Variants in GALK2 observed in about 807,000 individuals in gnomAD.
GALK2 encodes the protein N-acetylgalactosamine kinase.
A neutral mutation model predicts 52.4 loss-of-function variants in GALK2; 36 were observed. That is an observed-to-expected ratio of 0.69 (90% CI 0.53 to 0.91). GALK2 has a LOEUF of 0.91. Among genes scored for constraint, GALK2 ranks in the 40% least tolerant of loss-of-function variants. The pLI, the probability that GALK2 is intolerant of heterozygous loss-of-function variation, is 0.00. For synonymous variants in GALK2, 176 were observed against 199.1 expected, an observed-to-expected ratio of 0.88 and a Z score of 0.98; for missense variants, 579 against 559.1, an observed-to-expected ratio of 1.04 and a Z score of -0.36.
chr15:49,215,103 G>A (rs188937657), intron 2 of GALK2, among the ~76,000 whole-genome samples: 2 of 152,238 alleles, frequency 1.3e-5, no homozygotes, highest in East Asian at 3.9e-4. Context: ...ACATATTGGA[G>A]CCCCTTTATA....
intron 6 of GALK2, 29 bp from the exon 7 acceptor site, chr15:49,283,537 T>A: frequency 1.3e-6 from 2 of 1,569,044 alleles, no homozygotes; most frequent in African/African-American, 2.7e-5. Context: ...TAATAAATTA[T>A]ATTTCTCCTT....
At chr15:49,348,850 T>C (rs1190021901) in intron 3 of GALK2, among the ~76,000 whole-genome samples, 1 of 152,210 alleles carries the variant, frequency 6.6e-6, no homozygotes, top group East Asian at 1.9e-4. Flanking sequence ...TATTTGAAAA[T>C]GAAGTTTTCT....
chr15:49,274,612 A>C (rs977967233), intron 5 of GALK2, among the ~76,000 whole-genome samples: 1 of 152,186 alleles, frequency 6.6e-6, no homozygotes, highest in Non-Finnish European at 1.5e-5. Flanking sequence ...AGCTTGCTGT[A>C]ACTTTCTTAC....
chr15:49,162,594 C>A (rs182869904), intron 1 of GALK2, among the ~76,000 whole-genome samples: 1 of 152,204 alleles, frequency 6.6e-6, no homozygotes, highest in East Asian at 1.9e-4. Context: ...TTGCTTCTAA[C>A]TAAAATACAG....
At chr15:49,365,432 A>G in intron 3 of GALK2, 1 of 945,704 alleles carries the variant, frequency 1.1e-6, no homozygotes, top group Non-Finnish European at 1.7e-6. Context: ...CGCAAGCAAC[A>G]GGCCTGTACA....
At chr15:49,191,541 A>T (rs1054033591) in intron 1 of GALK2, among the ~76,000 whole-genome samples, 1 of 152,106 alleles carries the variant, frequency 6.6e-6, no homozygotes, top group African/African-American at 2.4e-5. Flanking sequence ...TCATGGTTAG[A>T]TTCAGCTTAT....
intron 3 of GALK2, among the ~76,000 whole-genome samples, chr15:49,231,480 G>A (rs1255181237): frequency 6.6e-6 from 1 of 152,080 alleles, no homozygotes; most frequent in African/African-American, 2.4e-5. Context: ...CAAGTCTCAG[G>A]TACTCACATT....
At chr15:49,362,277 C>T (rs1273673604) in intron 3 of GALK2, among the ~76,000 whole-genome samples, 5 of 152,056 alleles carry the variant, frequency 3.3e-5, no homozygotes, top group Non-Finnish European at 4.4e-5. Flanking sequence ...TCATGAGATA[C>T]GCTGGCTTAA....
intron 8 of GALK2, chr15:49,318,078 T>C (rs1198406608): frequency 6.6e-6 from 1 of 152,082 alleles, no homozygotes; most frequent in Non-Finnish European, 1.5e-5. Context: ...AATTATAGAC[T>C]TTTTGATTTT....
At position 49,259,487 on chromosome 15, in the gene GALK2, A is replaced by G. The variant is rs548424659; in HGVS notation, c.504+20120A>G. On this transcript the variant is annotated intron_variant, in intron 5 of 9. Coordinates refer to ENST00000560031, the MANE Select transcript of GALK2 (RefSeq NM_002044.4). ...AGTTTACTGAGAATGATGATTTCCAATTTCATCCAGGTCCCTACAAAGGAC... is the reference window on the plus strand; with the variant it reads ...AGTTTACTGAGAATGATGATTTCCAGTTTCATCCAGGTCCCTACAAAGGAC... Among the ~76,000 whole-genome samples the G allele has an allele frequency of 1.9e-3, 284 of 150,108 alleles. 2 individuals are homozygous for G. The highest frequency in any genetic ancestry group is 6.4e-3 in the African/African-American group (262 of 40,820).
chr15:49,276,980 T>TTC (rs1567010723), intron 5 of GALK2, among the ~76,000 whole-genome samples: 1 of 142,968 alleles, frequency 7.0e-6, no homozygotes, highest in African/African-American at 2.6e-5. Context: ...CTTTTTTTTT[T>TTC]TTTTTTTGAG....
At chr15:49,290,557 C>T (rs1248109602) in intron 7 of GALK2, among the ~76,000 whole-genome samples, 1 of 152,162 alleles carries the variant, frequency 6.6e-6, no homozygotes, top group East Asian at 1.9e-4. Flanking sequence ...ATCACTGGCC[C>T]AGTTTTCTTG....
At chr15:49,366,600 T>A in intron 3 of GALK2, 1 of 1,600,538 alleles carries the variant, frequency 6.2e-7, no homozygotes, top group Non-Finnish European at 8.6e-7. Flanking sequence ...GCATGCAAGA[T>A]TGCTTCCTGA....
At chr15:49,299,748 T>TTTCTTTCTTTCTTTCTTTCTTTCC in intron 8 of GALK2, among the ~76,000 whole-genome samples, 1 of 117,800 alleles carries the variant, frequency 8.5e-6, no homozygotes, top group African/African-American at 3.1e-5. Flanking sequence ...TCTTTCTTTC[T>TTTCTTTCTTTCTTTCTTTCTTTCC]TTCTTTCTTT....
At chr15:49,293,724 G>T (rs1274507141) in intron 8 of GALK2, among the ~76,000 whole-genome samples, 1 of 152,142 alleles carries the variant, frequency 6.6e-6, no homozygotes, top group Non-Finnish European at 1.5e-5. Context: ...AATAATGCTT[G>T]GTAGCAGAGG....
intron 8 of GALK2, among the ~76,000 whole-genome samples, chr15:49,311,912 G>A (rs2036021192): frequency 6.6e-6 from 1 of 152,212 alleles, no homozygotes; most frequent in African/African-American, 2.4e-5. Flanking sequence ...TGGGCCAATG[G>A]TAGGCACATT....
At chr15:49,173,726 G>T (rs915533497) in intron 1 of GALK2, among the ~76,000 whole-genome samples, 1 of 151,842 alleles carries the variant, frequency 6.6e-6, no homozygotes, top group Non-Finnish European at 1.5e-5. Flanking sequence ...AGTTCATACA[G>T]ATATATTTCA....
chr15:49,186,434 G>A (rs1388882714), intron 1 of GALK2, among the ~76,000 whole-genome samples: 1 of 150,924 alleles, frequency 6.6e-6, no homozygotes, highest in African/African-American at 2.4e-5. Flanking sequence ...TCAATTGAGT[G>A]TTTCACTCTA....
chr15:49,284,519 A>G (rs1446876029), intron 7 of GALK2, among the ~76,000 whole-genome samples: 2 of 152,194 alleles, frequency 1.3e-5, no homozygotes, highest in African/African-American at 4.8e-5. Flanking sequence ...GCTGGAGGCT[A>G]GGAAGTGGAT....
Sources: allele counts gnomAD v4.1 joint callset (sites outside exome capture counted in the v4.1 genomes callset), GRCh38; gene constraint gnomAD v4.1.1; transcripts MANE v1.5; gene names NCBI Gene and HGNC (gene_info 2026-07-23, HGNC 2026-07-21).